Variants in ZBTB20 observed in about 807,000 individuals in gnomAD.
The protein encoded by ZBTB20 is zinc finger and BTB domain containing 20.
Under a neutral mutation model 56.9 loss-of-function variants are expected in ZBTB20, and 9 were observed. The observed-to-expected ratio is 0.16, with a 90% confidence interval of 0.10 to 0.28. The LOEUF (loss-of-function observed/expected upper bound fraction) is 0.28, where lower values mean the gene tolerates loss of function less well. Among genes scored for constraint, ZBTB20 ranks in the 10% least tolerant of loss-of-function variants. ZBTB20 has a pLI of 1.00. For missense variants in ZBTB20, 655 were observed against 1,003.0 expected, an observed-to-expected ratio of 0.65 and a Z score of 4.69; for synonymous variants, 417 against 420.7, an observed-to-expected ratio of 0.99 and a Z score of 0.11.
At chr3:114,872,097 A>G (rs1012305913) in intron 4 of ZBTB20, among the ~76,000 whole-genome samples, 2 of 152,140 alleles carry the variant, frequency 1.3e-5, no homozygotes, top group African/African-American at 2.4e-5. Flanking sequence ...CCTTCCCAAT[A>G]TCTATTCCAT....
At position 114,331,103 on chromosome 3, in the gene ZBTB20, T is replaced by TTG. The variant is rs1353969072; in HGVS notation, c.*7901_*7902insCA. 1.5e-5 allele frequency: 1 copy of TTG among 65,876 alleles called. No homozygotes were observed. Among genetic ancestry groups the TTG allele is most frequent in the Admixed American group, 1.6e-4 (1 of 6,226 alleles). 4.1% of individuals were successfully genotyped at this position (65,876 alleles called of 1,614,324 possible). A position where few individuals can be genotyped will look rare whatever the true frequency, so the allele number is the denominator to read the frequency against. On this transcript the variant is annotated 3_prime_UTR_variant, in exon 12 of 12. Transcript: ENST00000675478. Reference sequence around the variant, plus strand: ...GGAAGCTTTAGTTTGAGAATAAAATTTATGTGTGTGTGTGTGTGTGTGTGT... The same window carrying TTG: ...GGAAGCTTTAGTTTGAGAATAAAATTTGTATGTGTGTGTGTGTGTGTGTGTGT...
intron 1 of ZBTB20, among the ~76,000 whole-genome samples, chr3:115,108,491 C>T (rs952930239): frequency 3.3e-5 from 5 of 152,114 alleles, no homozygotes; most frequent in African/African-American, 7.2e-5. Flanking sequence ...CCAATGTAAA[C>T]GTGGCCAGAT....
At chr3:114,586,989 C>CTTTTTTT (rs1195918426) in intron 6 of ZBTB20, among the ~76,000 whole-genome samples, 8 of 77,008 alleles carry the variant, frequency 1.0e-4, no homozygotes, top group Admixed American at 1.9e-4. Context: ...GTATAACTCC[C>CTTTTTTT]TTTTTTTTTT....
chr3:114,613,095 G>T (rs2057677860), intron 6 of ZBTB20, among the ~76,000 whole-genome samples: 1 of 152,166 alleles, frequency 6.6e-6, no homozygotes, highest in Admixed American at 6.5e-5. Context: ...ATTGGCAAAG[G>T]CATACAAACA....
At chr3:114,548,227 C>T (rs1488446546) in intron 6 of ZBTB20, among the ~76,000 whole-genome samples, 1 of 152,146 alleles carries the variant, frequency 6.6e-6, no homozygotes, top group African/African-American at 2.4e-5. Context: ...TTGTGGGTGA[C>T]AGGAGAAAGG....
At chr3:115,029,223 G>C (rs2080561581) in intron 2 of ZBTB20, among the ~76,000 whole-genome samples, 1 of 150,642 alleles carries the variant, frequency 6.6e-6, no homozygotes, top group African/African-American at 2.4e-5. Context: ...TCTAAGTAAT[G>C]TTAAAAAATT....
intron 4 of ZBTB20, among the ~76,000 whole-genome samples, chr3:114,841,970 A>G (rs769015278): frequency 2.0e-5 from 3 of 152,198 alleles, no homozygotes; most frequent in African/African-American, 7.2e-5. Context: ...GGCTGCCTCT[A>G]ATGAGACTTT....
rs56052509 is a variant in ZBTB20 at position 114,408,779 on chromosome 3, A to G, written c.-254-19674T>C. Among the ~76,000 whole-genome samples the G allele has an allele frequency of 7.2e-3, 1,085 of 150,144 alleles. 10 individuals are homozygous for G. The highest frequency in any genetic ancestry group is 0.011 in the Non-Finnish European group (722 of 67,698). ...AGCACATTTATATACTTTTTCTTTT[A>G]AAAATTACTTTCATTGGTTAGTAAT... On this transcript the variant is annotated intron_variant, in intron 7 of 11. Coordinates refer to ENST00000675478, the MANE Select transcript of ZBTB20 (RefSeq NM_001348800.3).
chr3:114,917,357 C>A (rs1470650510), intron 3 of ZBTB20, among the ~76,000 whole-genome samples: 1 of 152,044 alleles, frequency 6.6e-6, no homozygotes, highest in African/African-American at 2.4e-5. Flanking sequence ...TGAGATTGAT[C>A]CTTGGTGCCT....
intron 6 of ZBTB20, among the ~76,000 whole-genome samples, chr3:114,677,838 C>T (rs1174438427): frequency 1.3e-5 from 2 of 152,064 alleles, no homozygotes; most frequent in East Asian, 1.9e-4. Context: ...AAACTTCTTC[C>T]TCTCCCCTTC....
chr3:115,062,391 CCTT>C (rs543109415), intron 2 of ZBTB20, among the ~76,000 whole-genome samples: 1 of 152,144 alleles, frequency 6.6e-6, no homozygotes, highest in South Asian at 2.1e-4. Context: ...TTTCTTCTCT[CCTT>C]CTTTTCCTCC....
At chr3:115,120,480 G>T (rs1264554062) in intron 1 of ZBTB20, among the ~76,000 whole-genome samples, 3 of 152,016 alleles carry the variant, frequency 2.0e-5, no homozygotes, top group Non-Finnish European at 4.4e-5. Flanking sequence ...AAAATTTTTT[G>T]AGTCAATAGG....
At chr3:114,440,996 AT>A (rs1241254545) in intron 7 of ZBTB20, among the ~76,000 whole-genome samples, 1 of 152,332 alleles carries the variant, frequency 6.6e-6, no homozygotes, top group East Asian at 1.9e-4. Context: ...TATTTGATAA[AT>A]AATGGGCCTC....
At chr3:114,508,081 A>T (rs1267442664) in intron 6 of ZBTB20, among the ~76,000 whole-genome samples, 1 of 152,180 alleles carries the variant, frequency 6.6e-6, no homozygotes, top group Non-Finnish European at 1.5e-5. Flanking sequence ...ATATAAACTC[A>T]ATTTCCAATT....
chr3:114,756,231 T>C (rs1012767293), intron 5 of ZBTB20, among the ~76,000 whole-genome samples: 2 of 152,136 alleles, frequency 1.3e-5, no homozygotes, highest in African/African-American at 4.8e-5. Flanking sequence ...AAATAAAAAA[T>C]AAAAACTAAC....
intron 2 of ZBTB20, among the ~76,000 whole-genome samples, chr3:114,999,270 G>A (rs1383818313): frequency 7.6e-6 from 1 of 132,130 alleles, no homozygotes; most frequent in African/African-American, 2.8e-5. Context: ...AAAGGAGGAG[G>A]GAAATGAAAG....
intron 3 of ZBTB20, among the ~76,000 whole-genome samples, chr3:114,932,074 A>G (rs1490263766): frequency 6.6e-6 from 1 of 152,106 alleles, no homozygotes; most frequent in Non-Finnish European, 1.5e-5. Flanking sequence ...TAAAAGTATA[A>G]TTTTTTTAGG....
chr3:114,801,912 C>G (rs1413517767), intron 4 of ZBTB20, among the ~76,000 whole-genome samples: 1 of 151,616 alleles, frequency 6.6e-6, no homozygotes, highest in East Asian at 1.9e-4. Flanking sequence ...ACTTATAATT[C>G]CAAATTAAGT....
At chr3:114,476,567 G>A (rs762747343) in intron 7 of ZBTB20, among the ~76,000 whole-genome samples, 6 of 152,064 alleles carry the variant, frequency 3.9e-5, no homozygotes, top group Admixed American at 6.5e-5. Context: ...GAAGGCAGAG[G>A]GCAAGAGAGC....
Sources: gnomAD v4.1 joint callset for allele counts (sites outside exome capture counted in the v4.1 genomes callset) on GRCh38, gnomAD v4.1.1 for gene constraint, MANE v1.5 for transcripts, NCBI Gene and HGNC (gene_info 2026-07-23, HGNC 2026-07-21) for gene names.